ADGRL2: variants seen among roughly 807,000 people sequenced by gnomAD.
ADGRL2 encodes adhesion G protein-coupled receptor L2.
A neutral mutation model predicts 157.4 loss-of-function variants in ADGRL2; 44 were observed. That is an observed-to-expected ratio of 0.28 (90% CI 0.22 to 0.36). The LOEUF is 0.36. Among genes scored for constraint, ADGRL2 ranks in the 10% least tolerant of loss-of-function variants. ADGRL2 has a pLI of 1.00. For missense variants in ADGRL2, 1,510 were observed against 1,768.9 expected (o/e 0.85, Z 2.63); for synonymous variants, 585 against 624.7 (o/e 0.94, Z 0.95).
intron 2 of ADGRL2, among the ~76,000 whole-genome samples, chr1:81,565,008 A>G (rs1301218795): frequency 6.6e-6 from 1 of 152,218 alleles, no homozygotes; most frequent in Non-Finnish European, 1.5e-5. Flanking sequence ...TTTCTTTCAG[A>G]ATTAAATTTT....
intron 3 of ADGRL2, among the ~76,000 whole-genome samples, chr1:81,657,897 C>T (rs970627099): frequency 6.6e-5 from 10 of 152,032 alleles, no homozygotes; most frequent in Admixed American, 3.3e-4. Flanking sequence ...AATCATAGAA[C>T]CTTTTTGTTC....
At chr1:81,454,911 C>T (rs867188810) in intron 2 of ADGRL2, among the ~76,000 whole-genome samples, 3 of 152,114 alleles carry the variant, frequency 2.0e-5, no homozygotes, top group Middle Eastern at 3.2e-3. Context: ...GATTCCTTTG[C>T]AGAAAGTCAG....
At chr1:81,574,897 C>T (rs540997046) in intron 2 of ADGRL2, among the ~76,000 whole-genome samples, 1 of 152,232 alleles carries the variant, frequency 6.6e-6, no homozygotes, top group African/African-American at 2.4e-5. Flanking sequence ...TTGTCATTAC[C>T]AGATACCTTA....
At chr1:81,843,427 G>A (rs1264304220) in intron 2 of ADGRL2, among the ~76,000 whole-genome samples, 1 of 151,886 alleles carries the variant, frequency 6.6e-6, no homozygotes, top group Non-Finnish European at 1.5e-5. Context: ...CACTGTGCCC[G>A]GCCAAAAAAA....
intron 1 of ADGRL2, among the ~76,000 whole-genome samples, chr1:81,834,622 T>C (rs2092165842): frequency 6.6e-6 from 1 of 152,228 alleles, no homozygotes; most frequent in African/African-American, 2.4e-5. Context: ...CACTTAAAGC[T>C]TGAGGTTTTG....
chr1:81,916,111 C>G (rs1013216382), intron 3 of ADGRL2, among the ~76,000 whole-genome samples: 1 of 152,108 alleles, frequency 6.6e-6, no homozygotes, highest in Non-Finnish European at 1.5e-5. Flanking sequence ...ACTAAACAAT[C>G]AAGTGTTAAA....
At chr1:81,555,209 A>G in intron 2 of ADGRL2, among the ~76,000 whole-genome samples, 1 of 152,066 alleles carries the variant, frequency 6.6e-6, no homozygotes, top group Admixed American at 6.5e-5. Flanking sequence ...AGACTGTATA[A>G]AACTCAGAAA....
chr1:81,774,124 G>C (rs915873909), intron 2 of ADGRL2, among the ~76,000 whole-genome samples: 2 of 152,104 alleles, frequency 1.3e-5, no homozygotes, highest in African/African-American at 4.8e-5. Context: ...CCTGTCTGTG[G>C]TATTTGTTAT....
chr1:81,333,749 G>T, intron 1 of ADGRL2, among the ~76,000 whole-genome samples: 1 of 147,204 alleles, frequency 6.8e-6, no homozygotes, highest in East Asian at 2.0e-4. Flanking sequence ...TCAGAGCTGG[G>T]GGGTTCCCTA....
intron 1 of ADGRL2, among the ~76,000 whole-genome samples, chr1:81,321,300 T>C (rs1457782060): frequency 6.6e-6 from 1 of 152,194 alleles, no homozygotes; most frequent in Non-Finnish European, 1.5e-5. Context: ...TAAACCTATT[T>C]TGCTTTCTTA....
intron 2 of ADGRL2, among the ~76,000 whole-genome samples, chr1:81,904,409 T>G (rs1419850007): frequency 6.6e-6 from 1 of 152,132 alleles, no homozygotes; most frequent in Non-Finnish European, 1.5e-5. Flanking sequence ...TTAGTGCAAT[T>G]TCTGTTGCTA....
At chr1:81,384,342 G>A (rs185469157) in intron 1 of ADGRL2, among the ~76,000 whole-genome samples, 1 of 152,198 alleles carries the variant, frequency 6.6e-6, no homozygotes, top group African/African-American at 2.4e-5. Context: ...ATAGAAAAAA[G>A]GTGTGCATTT....
chr1:81,714,139 C>T (rs139138339), intron 1 of ADGRL2, among the ~76,000 whole-genome samples: 8 of 152,148 alleles, frequency 5.3e-5, no homozygotes, highest in Non-Finnish European at 8.8e-5. Flanking sequence ...CCCACCAGGT[C>T]CCTCCCATGA....
At chr1:81,949,692 A>G (rs1002772427) in intron 6 of ADGRL2, among the ~76,000 whole-genome samples, 2 of 152,214 alleles carry the variant, frequency 1.3e-5, no homozygotes, top group Non-Finnish European at 2.9e-5. Flanking sequence ...CTGGGTGGAA[A>G]GATGTCACAG....
At chr1:81,988,229 C>T (rs1388090625) in intron 23 of ADGRL2, among the ~76,000 whole-genome samples, 1 of 152,116 alleles carries the variant, frequency 6.6e-6, no homozygotes, top group Non-Finnish European at 1.5e-5. Context: ...GGAAAATCTT[C>T]AAGTGAATTA....
intron 1 of ADGRL2, among the ~76,000 whole-genome samples, chr1:81,324,027 G>T (rs1169391943): frequency 6.6e-6 from 1 of 152,156 alleles, no homozygotes; most frequent in Non-Finnish European, 1.5e-5. Context: ...AATTTAAGCA[G>T]AGTGAGGCAG....
At position 81,706,021 on chromosome 1, in the gene ADGRL2, C is replaced by T. The variant is rs144890818; in HGVS notation, c.-143+6213C>T. On this transcript the variant is annotated intron_variant, in intron 1 of 20. Transcript: ENST00000359929. Reference sequence around the variant, plus strand: ...GTCAGGAGATCGAGACCATCCTGGCCAACATAGTCTCTACTAAAAATACAA... The same window carrying T: ...GTCAGGAGATCGAGACCATCCTGGCTAACATAGTCTCTACTAAAAATACAA... Among the ~76,000 whole-genome samples, 603 of 151,970 alleles carry T rather than the reference C, an allele frequency of 4.0e-3. 2 individuals carry two copies. Among genetic ancestry groups the T allele is most frequent in the African/African-American group, 0.013 (549 of 41,464 alleles).
intron 3 of ADGRL2, among the ~76,000 whole-genome samples, chr1:81,643,876 CAAATTATTTTGTGGATATCAACA>C (rs2082267046): frequency 6.6e-6 from 1 of 152,112 alleles, no homozygotes. Context: ...ATAATTCTGG[CAAATTATTTTGTGGATATCAACA>C]AACTGATTCT....
chr1:81,935,295 A>G (rs953663643), intron 3 of ADGRL2, among the ~76,000 whole-genome samples: 3 of 151,992 alleles, frequency 2.0e-5, no homozygotes, highest in Non-Finnish European at 4.4e-5. Context: ...AAATTACAGT[A>G]TATGGTATAT....
Sources: allele counts gnomAD v4.1 joint callset (sites outside exome capture counted in the v4.1 genomes callset), GRCh38; gene constraint gnomAD v4.1.1; transcripts MANE v1.5; gene names NCBI Gene and HGNC (gene_info 2026-07-23, HGNC 2026-07-21).